OCIAD1: variants seen among roughly 807,000 people sequenced by gnomAD.
The protein encoded by OCIAD1 is OCIA domain-containing protein 1.
A neutral mutation model predicts 38.9 loss-of-function variants in OCIAD1; 29 were observed. That is an observed-to-expected ratio of 0.74 (90% CI 0.55 to 1.02). The LOEUF (loss-of-function observed/expected upper bound fraction) is 1.02, where lower values mean the gene tolerates loss of function less well. Among genes scored for constraint, OCIAD1 ranks in the 50% least tolerant of loss-of-function variants. The probability of loss-of-function intolerance (pLI) is 0.00; values close to 1 mark genes in which losing one functional copy is unlikely to be tolerated. For missense variants in OCIAD1, 288 were observed against 289.6 expected (o/e 0.99, Z 0.04); for synonymous variants, 110 against 92.0 (o/e 1.20, Z -1.12).
At chr4:48,814,830 A>G (rs1777129113) in intron 1 of OCIAD1, among the ~76,000 whole-genome samples, 1 of 152,206 alleles carries the variant, frequency 6.6e-6, no homozygotes, top group Non-Finnish European at 1.5e-5. Flanking sequence ...ATGATTTAGT[A>G]TCTCAGAGGT....
At chr4:48,817,279 C>T (rs931199476) in intron 1 of OCIAD1, among the ~76,000 whole-genome samples, 4 of 152,218 alleles carry the variant, frequency 2.6e-5, no homozygotes, top group African/African-American at 9.6e-5. Flanking sequence ...TTGCAATCTG[C>T]AGATCAGGAG....
chr4:48,855,133 A>G (rs916306058), intron 7 of OCIAD1, among the ~76,000 whole-genome samples: 3 of 152,324 alleles, frequency 2.0e-5, no homozygotes, highest in Non-Finnish European at 2.9e-5. Context: ...CCTGGAAGGA[A>G]CTTCAGAGAT....
Position 48,861,766 on chromosome 4 carries a change from T to A in OCIAD1, c.*1004T>A, listed in dbSNP as rs767493523. 4.7e-4 allele frequency: 71 copies of A among 152,322 alleles called. No individual in the cohort carries two copies. The highest frequency in any genetic ancestry group is 7.4e-4 in the Non-Finnish European group (50 of 68,020). 9.4% of individuals were successfully genotyped at this position (152,322 alleles called of 1,614,324 possible). ...AAATAGGTAAATGCCTTAAAAAGCA[T>A]TTTTAAAGAATTTGTAAATTCTAAA... On this transcript the variant is annotated 3_prime_UTR_variant, in exon 9 of 9. Transcript: ENST00000264312.
intron 7 of OCIAD1, chr4:48,852,228 G>A: frequency 2.8e-6 from 1 of 353,350 alleles, no homozygotes; most frequent in South Asian, 1.0e-4. Flanking sequence ...CTTTCAGTCT[G>A]TTAGAAGATA....
At chr4:48,843,429 C>T (rs548368765) in intron 4 of OCIAD1, among the ~76,000 whole-genome samples, 1 of 152,180 alleles carries the variant, frequency 6.6e-6, no homozygotes, top group African/African-American at 2.4e-5. Context: ...TTAACTGGCT[C>T]CTTCAAAAAT....
intron 1 of OCIAD1, among the ~76,000 whole-genome samples, chr4:48,820,755 A>C (rs533939331): frequency 2.8e-4 from 43 of 152,384 alleles, no homozygotes; most frequent in African/African-American, 1.0e-3. Context: ...CTACCATCAG[A>C]GAATACTATA....
Position 48,857,202 on chromosome 4 carries a change from T to G in OCIAD1, c.548-11T>G. The G allele has an allele frequency of 6.6e-7, 1 of 1,506,074 alleles. No homozygotes were observed. Among genetic ancestry groups the G allele is most frequent in the Non-Finnish European group, 8.9e-7 (1 of 1,126,262 alleles). The allele number at this position is 1,506,074 out of a possible 1,614,324, so 93.3% of individuals were successfully genotyped here. A position where few individuals can be genotyped will look rare whatever the true frequency, so the allele number is the denominator to read the frequency against. ...CTTTTATTACCATTTATTAACTGTTTGTTGTTTTAGGACCTGATCCCAACC... is the reference window on the plus strand; with the variant it reads ...CTTTTATTACCATTTATTAACTGTTGGTTGTTTTAGGACCTGATCCCAACC... On this transcript the variant is annotated splice_polypyrimidine_tract_variant and intron_variant, in intron 7 of 8. Coordinates refer to ENST00000264312, the MANE Select transcript of OCIAD1 (RefSeq NM_017830.4).
intron 8 of OCIAD1, among the ~76,000 whole-genome samples, chr4:48,858,479 G>A (rs983173735): frequency 1.3e-5 from 2 of 151,990 alleles, no homozygotes; most frequent in African/African-American, 4.8e-5. Context: ...TTTTTGAGAT[G>A]GTTTTATTCT....
intron 1 of OCIAD1, among the ~76,000 whole-genome samples, chr4:48,832,283 AC>A (rs1038442370): frequency 6.6e-6 from 1 of 152,226 alleles, no homozygotes; most frequent in African/African-American, 2.4e-5. Context: ...AACGACCAAA[AC>A]ATAGGATGTG....
At position 48,857,297 on chromosome 4, in the gene OCIAD1, A is replaced by G. The variant is rs1443564759; in HGVS notation, c.632A>G (p.Glu211Gly). The change falls in exon 8 of 9, where the codon GAA (glutamate) becomes GGA (glycine). Residue 211 changes from glutamate to glycine, a missense_variant. By Grantham distance (98) the Glu-to-Gly change is moderately conservative. Coordinates refer to ENST00000264312, the MANE Select transcript of OCIAD1 (RefSeq NM_017830.4). ...ELRNKNRESY[E>G]VSLTQKTDPS... ...AGGAATAAGAACAGAGAGTCATATG[A>G]AGTATCTTTAACACAAAAGACTGAC... 6.2e-7 allele frequency: 1 copy of G among 1,601,250 alleles called. No homozygotes were observed. Among genetic ancestry groups the G allele is most frequent in the Admixed American group, 1.7e-5 (1 of 58,628 alleles).
intron 3 of OCIAD1, among the ~76,000 whole-genome samples, chr4:48,840,707 G>A: frequency 6.6e-6 from 1 of 152,064 alleles, no homozygotes; most frequent in Non-Finnish European, 1.5e-5. Flanking sequence ...ATTTTTAAAT[G>A]GTTAAGAGGC....
chr4:48,835,204 G>A (rs573212753), intron 3 of OCIAD1, among the ~76,000 whole-genome samples: 1 of 152,240 alleles, frequency 6.6e-6, no homozygotes, highest in East Asian at 1.9e-4. Flanking sequence ...AAAGTGCTGG[G>A]ATTACAGGTG....
chr4:48,846,534 G>A (rs572346242), intron 4 of OCIAD1, among the ~76,000 whole-genome samples: 70 of 152,220 alleles, frequency 4.6e-4, no homozygotes, highest in African/African-American at 1.6e-3. Flanking sequence ...GGATCATGAG[G>A]TCAGGTGATT....
upstream of OCIAD1, among the ~76,000 whole-genome samples, chr4:48,826,917 T>C (rs1283782476): frequency 6.6e-6 from 1 of 152,212 alleles, no homozygotes; most frequent in Admixed American, 6.5e-5. Context: ...AAGTTATAAA[T>C]AACCTTTTTA....
At chr4:48,836,559 AGT>A (rs1178675022) in intron 3 of OCIAD1, among the ~76,000 whole-genome samples, 1 of 152,228 alleles carries the variant, frequency 6.6e-6, no homozygotes, top group African/African-American at 2.4e-5. Flanking sequence ...CAATAAATTA[AGT>A]GTAGAGATAA....
chr4:48,850,356 T>G (rs1005996405), intron 6 of OCIAD1, among the ~76,000 whole-genome samples: 4 of 152,150 alleles, frequency 2.6e-5, no homozygotes, highest in Non-Finnish European at 5.9e-5. Context: ...ACTCCTGGGT[T>G]CACAAGGCCC....
Position 48,831,124 on chromosome 4 carries a change from C to T in OCIAD1, c.-131C>T, listed in dbSNP as rs1017878604. On this transcript the variant is annotated 5_prime_UTR_variant, in exon 1 of 9. Transcript: ENST00000264312. ...TGGATGACTTCTTGCGGCTGTTCTA[C>T]CCCTCCCCCTCCCCGCGGTACCTTG... 2 of 283,938 alleles carry T rather than the reference C, an allele frequency of 7.0e-6. No individual in the cohort carries two copies. The highest frequency in any genetic ancestry group is 3.1e-5 in the South Asian group (1 of 32,010). The allele number at this position is 283,938 out of a possible 1,614,324, so 17.6% of individuals were successfully genotyped here.
At chr4:48,805,978 A>C (rs1374092489) in intron 1 of OCIAD1, among the ~76,000 whole-genome samples, 3 of 152,144 alleles carry the variant, frequency 2.0e-5, no homozygotes, top group Non-Finnish European at 4.4e-5. Context: ...AATTTGGAAA[A>C]ACAGGCCGGG....
rs879741538 is a variant in OCIAD1, at chr4:48,805,686, TA to T, written c.-103+370del. Among the ~76,000 whole-genome samples the T allele has an allele frequency of 3.9e-3, 546 of 140,660 alleles. 1 individual carries two copies. The highest frequency in any genetic ancestry group is 8.0e-3 in the African/African-American group (310 of 38,514). The allele number at this position is 140,660 out of a possible 152,430, so 92.3% of individuals were successfully genotyped here. On this transcript the variant is annotated intron_variant, in intron 1 of 6. Coordinates refer to the OCIAD1 transcript ENST00000504654. ...GTGACAGAGCAAGACCCCCATCTCT[TA>T]AAAAAAAAAAAAATTATCAGAAATC... is the stretch of plus-strand genomic sequence containing the variant.
Sources: gnomAD v4.1 joint callset for allele counts (sites outside exome capture counted in the v4.1 genomes callset) on GRCh38, gnomAD v4.1.1 for gene constraint, MANE v1.5 for transcripts, NCBI Gene and HGNC (gene_info 2026-07-23, HGNC 2026-07-21) for gene names.